The following PHF3 variants were observed in gnomAD, a reference collection of about 807,000 sequenced individuals.
PHF3 encodes the protein PHD finger protein 3.
A neutral mutation model predicts 178.4 loss-of-function variants in PHF3; 41 were observed. The ratio of observed to expected loss-of-function variants is 0.23; its 90% CI spans 0.18 to 0.30. PHF3 has a LOEUF of 0.30. PHF3 is among the 10% of genes least tolerant of loss of function. PHF3 has a pLI of 1.00. For synonymous variants in PHF3, 842 were observed against 800.5 expected (o/e 1.05, Z -0.88); for missense variants, 2,346 against 2,398.1 (o/e 0.98, Z 0.45).
At chr6:63,660,089 A>G (rs1395645737) in intron 2 of PHF3, among the ~76,000 whole-genome samples, 1 of 152,066 alleles carries the variant, frequency 6.6e-6, no homozygotes, top group Non-Finnish European at 1.5e-5. Context: ...AACAAAGAAG[A>G]TAGTTCTTTT....
chr6:63,644,605 C>T (rs1286268421), intron 1 of PHF3, among the ~76,000 whole-genome samples: 1 of 151,786 alleles, frequency 6.6e-6, no homozygotes, highest in East Asian at 1.9e-4. Flanking sequence ...CATTTTCTTT[C>T]AGTGCTTTAT....
Position 63,720,414 on chromosome 6 carries a change from G to A in PHF3, c.*6706G>A, listed in dbSNP as rs1768327426. On this transcript the variant is annotated 3_prime_UTR_variant, in exon 16 of 16. Transcript: ENST00000262043. ...CAAAATATATACAGATAAATTAGAT[G>A]TAGGAAAAACAATCAGAACCTTCAG... 2 of 524,912 alleles carry A rather than the reference G, an allele frequency of 3.8e-6. No homozygotes were observed. Among genetic ancestry groups the A allele is most frequent in the Non-Finnish European group, 6.6e-6 (2 of 304,876 alleles). The allele number at this position is 524,912 out of a possible 1,614,324, so 32.5% of individuals were successfully genotyped here. A position where few individuals can be genotyped will look rare whatever the true frequency, so the allele number is the denominator to read the frequency against.
At position 63,722,569 on chromosome 6, in the gene PHF3, C is replaced by A. The variant is rs114532678; in HGVS notation, c.*8861C>A. ...GGCAATTCTGCAAGCTTGGAAAAAG[C>A]ATGTTCTTCACTGTAAGATTGCTTG... On this transcript the variant is annotated 3_prime_UTR_variant, in exon 16 of 16. Transcript: ENST00000262043. Among the ~76,000 whole-genome samples, 1,836 of 152,304 alleles carry A rather than the reference C, an allele frequency of 0.012. 30 individuals carry two copies. The highest frequency in any genetic ancestry group is 0.042 in the African/African-American group (1,763 of 41,572).
At chr6:63,707,000 C>A in intron 13 of PHF3, 124 bp downstream of exon 13, 1 of 785,012 alleles carries the variant, frequency 1.3e-6, no homozygotes, top group Non-Finnish European at 2.0e-6. Flanking sequence ...TTTAAACAGT[C>A]CAAGTAATAT....
At chr6:63,653,160 T>C (rs1387461620) in intron 2 of PHF3, among the ~76,000 whole-genome samples, 1 of 151,424 alleles carries the variant, frequency 6.6e-6, no homozygotes, top group Non-Finnish European at 1.5e-5. Flanking sequence ...GCTAGTTTTT[T>C]TTTTTTGTGG....
At chr6:63,660,868 A>G (rs115828359) in intron 2 of PHF3, among the ~76,000 whole-genome samples, 36 of 152,232 alleles carry the variant, frequency 2.4e-4, no homozygotes, top group African/African-American at 8.2e-4. Context: ...CTTTTCAACA[A>G]TGTTGCTCTC....
At chr6:63,661,104 T>G (rs1244252596) in intron 2 of PHF3, among the ~76,000 whole-genome samples, 1 of 152,162 alleles carries the variant, frequency 6.6e-6, no homozygotes, top group African/African-American at 2.4e-5. Flanking sequence ...TCCCAGACCC[T>G]TTACAGTTCT....
At chr6:63,659,572 G>A (rs150859503) in intron 2 of PHF3, among the ~76,000 whole-genome samples, 2 of 152,126 alleles carry the variant, frequency 1.3e-5, no homozygotes, top group Admixed American at 6.5e-5. Flanking sequence ...AAATCTTCAC[G>A]AAAACCTTAA....
chr6:63,636,020 G>C lies in PHF3; in HGVS notation c.-156G>C. ...CCCAGGAGGAAAAGAGGCTGTGGCA[G>C]CGACGCCGACGTCCTGCGCGTACCC... On this transcript the variant is annotated 5_prime_UTR_variant, in exon 1 of 16. Transcript: ENST00000262043. The C allele has an allele frequency of 2.5e-6, 1 of 397,168 alleles. No individual in the cohort carries two copies. 24.6% of individuals were successfully genotyped at this position (397,168 alleles called of 1,614,324 possible).
Position 63,684,574 on chromosome 6 carries a change from A to G in PHF3, c.852A>G (p.Pro284=), listed in dbSNP as rs41271583. 3,942 of 1,614,018 alleles carry G rather than the reference A, an allele frequency of 2.4e-3. 14 individuals are homozygous for G. Among genetic ancestry groups the G allele is most frequent in the South Asian group, 8.4e-3 (765 of 91,086 alleles). Reference sequence around the variant, plus strand: ...GTAAAGCCAAGCCTGTTGGTAGTCCATTGTTTAAGTTTTCAGATAAAGAAG... The same window carrying G: ...GTAAAGCCAAGCCTGTTGGTAGTCCGTTGTTTAAGTTTTCAGATAAAGAAG... ...MECKAKPVGS[P]LFKFSDKEEH... is the part of the protein sequence containing the mutation. Residue 284 remains proline, a synonymous_variant, in exon 4 of 16, where the codon CCA becomes CCG. Coordinates refer to ENST00000262043, the MANE Select transcript of PHF3 (RefSeq NM_001370348.2).
At chr6:63,707,884 T>C (rs1767763109) in intron 13 of PHF3, among the ~76,000 whole-genome samples, 1 of 152,140 alleles carries the variant, frequency 6.6e-6, no homozygotes, top group Non-Finnish European at 1.5e-5. Context: ...TGTTTTTGTT[T>C]TGAGACAGAG....
At position 63,635,951 on chromosome 6, in the gene PHF3, G is replaced by C. The variant is rs1432101649; in HGVS notation, c.-225G>C. The C allele has an allele frequency of 7.5e-6, 3 of 398,206 alleles. No homozygotes were observed. Among genetic ancestry groups the C allele is most frequent in the African/African-American group, 4.1e-5 (2 of 48,740 alleles). 24.7% of individuals were successfully genotyped at this position (398,206 alleles called of 1,614,324 possible). A position where few individuals can be genotyped will look rare whatever the true frequency, so the allele number is the denominator to read the frequency against. ...CGGCTGCAACGAGGATTAGGAGGGCGGCGCGGAAGCCAAGAATAGTGTCGT... is the reference window on the plus strand; with the variant it reads ...CGGCTGCAACGAGGATTAGGAGGGCCGCGCGGAAGCCAAGAATAGTGTCGT... On this transcript the variant is annotated 5_prime_UTR_variant, in exon 1 of 16. Transcript: ENST00000262043.
chr6:63,675,504 G>C (rs1766125996), intron 2 of PHF3, among the ~76,000 whole-genome samples: 1 of 152,102 alleles, frequency 6.6e-6, no homozygotes. Context: ...TCTGTTGTTG[G>C]GGCTCTTGAA....
intron 2 of PHF3, among the ~76,000 whole-genome samples, chr6:63,677,341 T>C (rs1766213007): frequency 6.6e-6 from 1 of 151,978 alleles, no homozygotes; most frequent in South Asian, 2.1e-4. Context: ...AGTATGTAGA[T>C]GTCTGCAGGA....
In PHF3 at chr6:63,719,876, T is replaced by G; in HGVS notation, c.*6168T>G. ...TACTCTTCTCTCCAGAGGCAACCATTTTTAATTCTTTTAGATATTTAGGAT... is the reference window on the plus strand; with the variant it reads ...TACTCTTCTCTCCAGAGGCAACCATGTTTAATTCTTTTAGATATTTAGGAT... On this transcript the variant is annotated 3_prime_UTR_variant, in exon 16 of 16. Coordinates refer to ENST00000262043, the MANE Select transcript of PHF3 (RefSeq NM_001370348.2). 6.6e-6 allele frequency: 1 copy of G among 152,086 alleles called. No individual in the cohort carries two copies. Among genetic ancestry groups the G allele is most frequent in the Non-Finnish European group, 1.5e-5 (1 of 67,960 alleles). The allele number at this position is 152,086 out of a possible 1,614,324, so 9.4% of individuals were successfully genotyped here.
In PHF3 at chr6:63,713,961, A is replaced by G; in HGVS notation, c.*253A>G. On this transcript the variant is annotated 3_prime_UTR_variant, in exon 16 of 16. Transcript: ENST00000262043. The stretch of plus-strand genomic sequence containing the variant: ...GTTTTACATTGCTGTATATTCAAAG[A>G]TTTGTTTTATTAATATGCAATAAAG... 3 of 328,468 alleles carry G rather than the reference A, an allele frequency of 9.1e-6. No homozygotes were observed. The highest frequency in any genetic ancestry group is 1.6e-5 in the Non-Finnish European group (3 of 183,056). 20.3% of individuals were successfully genotyped at this position (328,468 alleles called of 1,614,324 possible).
At chr6:63,637,521 T>G (rs776273549) in intron 1 of PHF3, among the ~76,000 whole-genome samples, 3 of 152,232 alleles carry the variant, frequency 2.0e-5, no homozygotes, top group Non-Finnish European at 4.4e-5. Context: ...GTGTAAAGAT[T>G]ATTGTTATTT....
intron 2 of PHF3, among the ~76,000 whole-genome samples, chr6:63,654,425 T>C (rs996518380): frequency 2.0e-5 from 3 of 152,196 alleles, no homozygotes; most frequent in African/African-American, 7.2e-5. Context: ...ATACATACCC[T>C]TTAAGAATAA....
rs766084435 is a variant in PHF3, at chr6:63,711,598, A to G, written c.4010A>G (p.His1337Arg). The G allele has an allele frequency of 1.5e-4, 237 of 1,583,802 alleles. No individual in the cohort carries two copies. Among genetic ancestry groups the G allele is most frequent in the Non-Finnish European group, 2.0e-4 (231 of 1,171,730 alleles). The change falls in exon 16 of 16, where the codon CAT becomes CGT. Residue 1337 changes from histidine (H) to arginine (R), a missense_variant. Coordinates refer to ENST00000262043, the MANE Select transcript of PHF3 (RefSeq NM_001370348.2). Reference sequence around the variant, plus strand: ...TGGTTTTATACAGGGCTTGAACTGCATAGACCTAATCTATTGTTGGGCTTA... The same window carrying G: ...TGGTTTTATACAGGGCTTGAACTGCGTAGACCTAATCTATTGTTGGGCTTA... ...VPFDGPGLEL[H>R]RPNLLLGLII...
Sources: gnomAD v4.1 joint callset for allele counts (sites outside exome capture counted in the v4.1 genomes callset) on GRCh38, gnomAD v4.1.1 for gene constraint, MANE v1.5 for transcripts, NCBI Gene and HGNC (gene_info 2026-07-23, HGNC 2026-07-21) for gene names.